TMEM219: variants seen among roughly 807,000 people sequenced by gnomAD.
TMEM219 encodes the protein insulin-like growth factor-binding protein 3 receptor.
In TMEM219, 18 loss-of-function variants were observed where a neutral mutation model predicts 17.9. The observed-to-expected ratio is 1.01, with a 90% CI of 0.70 to 1.49. The LOEUF (loss-of-function observed/expected upper bound fraction) is 1.49. TMEM219 is among the 40% of genes most tolerant of loss of function. The pLI, the probability that TMEM219 is intolerant of heterozygous loss-of-function variation, is 0.00. For missense variants in TMEM219, 288 were observed against 292.4 expected, an observed-to-expected ratio of 0.99 and a Z score of 0.11; for synonymous variants, 113 against 124.0, an observed-to-expected ratio of 0.91 and a Z score of 0.59.
intron 2 of TMEM219, 38 bp downstream of exon 2, chr16:29,963,346 C>T (rs1484088608): frequency 3.7e-6 from 6 of 1,613,904 alleles, no homozygotes; most frequent in Non-Finnish European, 5.1e-6. Flanking sequence ...TTCCTTCCAA[C>T]CTAGACAGGC....
chr16:29,968,304 A>G (rs373665125), intron 4 of TMEM219, 50 bp downstream of exon 4: 55 of 1,473,042 alleles, frequency 3.7e-5, no homozygotes, highest in Non-Finnish European at 7.6e-6. Context: ...CCTGCTGACT[A>G]CTGTATCTTG....
intron 3 of TMEM219, among the ~76,000 whole-genome samples, chr16:29,966,870 T>C (rs2069219126): frequency 6.6e-6 from 1 of 152,164 alleles, no homozygotes; most frequent in Non-Finnish European, 1.5e-5. Flanking sequence ...TTTCTTTAAA[T>C]ACTTAAGTTT....
At chr16:29,964,295 C>T (rs1244861976) in intron 3 of TMEM219, among the ~76,000 whole-genome samples, 1 of 151,800 alleles carries the variant, frequency 6.6e-6, no homozygotes, top group Non-Finnish European at 1.5e-5. Flanking sequence ...TGCACTCCAT[C>T]CTGGGCAACA....
intron 3 of TMEM219, among the ~76,000 whole-genome samples, chr16:29,967,786 G>A: frequency 6.6e-6 from 1 of 152,086 alleles, no homozygotes; most frequent in Non-Finnish European, 1.5e-5. Context: ...AATTAGCTGG[G>A]CCTGGTGGTG....
At chr16:29,965,442 G>A (rs981683888) in intron 3 of TMEM219, among the ~76,000 whole-genome samples, 1 of 151,966 alleles carries the variant, frequency 6.6e-6, no homozygotes, top group Non-Finnish European at 1.5e-5. Flanking sequence ...GTTAGGGCCG[G>A]ATGTGGTGGC....
chr16:29,972,316 C>T (rs901125454), intron 5 of TMEM219, among the ~76,000 whole-genome samples: 1 of 152,130 alleles, frequency 6.6e-6, no homozygotes, highest in Non-Finnish European at 1.5e-5. Context: ...TAGTATGTGC[C>T]CAAGAACTTG....
intron 4 of TMEM219, among the ~76,000 whole-genome samples, chr16:29,969,718 A>G (rs1402675327): frequency 6.6e-6 from 1 of 151,902 alleles, no homozygotes; most frequent in Non-Finnish European, 1.5e-5. Context: ...CTTTGGGAGC[A>G]CTCCATGTTG....
intron 3 of TMEM219, among the ~76,000 whole-genome samples, chr16:29,967,649 C>T (rs2069227839): frequency 6.6e-6 from 1 of 152,090 alleles, no homozygotes; most frequent in South Asian, 2.1e-4. Context: ...AGAAAAGGGC[C>T]GGGCACGGTG....
chr16:29,971,791 T>C lies in TMEM219; in HGVS notation c.*33+213T>C, dbSNP rs141647353. On this transcript the variant is annotated intron_variant, in intron 5 of 5. Transcript: ENST00000279396. ...TCTAATTACTTTAACTTTTTTATTATAAAATAGTTAACACTTATGTAGAAA... is the reference window on the plus strand; with the variant it reads ...TCTAATTACTTTAACTTTTTTATTACAAAATAGTTAACACTTATGTAGAAA... 2.2e-3 allele frequency: 912 copies of C among 406,748 alleles called. 2 individuals are homozygous for C. Among genetic ancestry groups the C allele is most frequent in the Non-Finnish European group, 3.5e-3 (803 of 229,202 alleles). 25.2% of individuals were successfully genotyped at this position (406,748 alleles called of 1,614,324 possible).
At chr16:29,967,881 T>C (rs560703561) in intron 3 of TMEM219, 144 bp from the exon 4 acceptor site, 4 of 620,004 alleles carry the variant, frequency 6.5e-6, no homozygotes, top group Non-Finnish European at 1.1e-5. Context: ...GAGCCGAGAT[T>C]GCGCCACTGC....
chr16:29,972,596 G>A (rs771520641), intron 5 of TMEM219, among the ~76,000 whole-genome samples: 4 of 152,208 alleles, frequency 2.6e-5, no homozygotes, highest in Non-Finnish European at 5.9e-5. Flanking sequence ...CAGTGCCCTA[G>A]GAAGTTACTA....
chr16:29,968,286 G>A, intron 4 of TMEM219, 32 bp downstream of exon 4: 2 of 1,556,082 alleles, frequency 1.3e-6, no homozygotes, highest in Non-Finnish European at 1.8e-6. Flanking sequence ...CCAGGGTTTT[G>A]TAGACTGCCT....
At chr16:29,965,109 G>A (rs2150861654) in intron 3 of TMEM219, among the ~76,000 whole-genome samples, 1 of 152,276 alleles carries the variant, frequency 6.6e-6, no homozygotes, top group East Asian at 1.9e-4. Flanking sequence ...AAATGTCAGT[G>A]GATGCCAATA....
At chr16:29,968,664 AAC>A in intron 4 of TMEM219, 1 of 168,842 alleles carries the variant, frequency 5.9e-6, no homozygotes, top group Non-Finnish European at 1.3e-5. Context: ...GTGTTATGCA[AAC>A]ACAGAGAAAG....
intron 1 of TMEM219, chr16:29,962,898 C>T: frequency 1.8e-6 from 1 of 550,448 alleles, no homozygotes; most frequent in Non-Finnish European, 3.3e-6. Context: ...ACTGCTCTGC[C>T]TCCACTTAGA....
chr16:29,972,354 C>G (rs1046733718), intron 5 of TMEM219, among the ~76,000 whole-genome samples: 4 of 152,326 alleles, frequency 2.6e-5, no homozygotes, highest in South Asian at 2.1e-4. Context: ...TCCATTTAGT[C>G]ATCGTTACCT....
At chr16:29,963,798 G>T (rs1401202093) in intron 3 of TMEM219, among the ~76,000 whole-genome samples, 1 of 148,124 alleles carries the variant, frequency 6.8e-6, no homozygotes, top group African/African-American at 2.5e-5. Flanking sequence ...AAGGAGAATC[G>T]CTTGAACCCA....
rs34734372 is a variant in TMEM219 at position 29,963,882 on chromosome 16, C to CAA, written c.355+312_355+313dup. Among the ~76,000 whole-genome samples, 105 of 78,384 alleles carry CAA rather than the reference C, an allele frequency of 1.3e-3. 7 individuals are homozygous for CAA. Among genetic ancestry groups the CAA allele is most frequent in the Middle Eastern group, 9.8e-3 (1 of 102 alleles). 51.4% of individuals were successfully genotyped at this position (78,384 alleles called of 152,430 possible). A position where few individuals can be genotyped will look rare whatever the true frequency, so the allele number is the denominator to read the frequency against. On this transcript the variant is annotated intron_variant, in intron 3 of 5. Coordinates refer to ENST00000279396, the MANE Select transcript of TMEM219 (RefSeq NM_001083613.2). ...TGGGTGACAGAGCAAGACTCTGTCTCAAAAAAAAAAAAAAAAAAAATCAGG... is the reference window on the plus strand; with the variant it reads ...TGGGTGACAGAGCAAGACTCTGTCTCAAAAAAAAAAAAAAAAAAAAAATCAGG...
In TMEM219 at chr16:29,968,084, G is replaced by C; in HGVS notation, c.415G>C (p.Gly139Arg). The C allele has an allele frequency of 6.2e-7, 1 of 1,614,198 alleles. No homozygotes were observed. The highest frequency in any genetic ancestry group is 8.5e-7 in the Non-Finnish European group (1 of 1,180,044). Reference sequence around the variant, plus strand: ...CAGGGTGACCACAGAAAGGACTGCAGGAACCTGCCTATATTTTAGTGCTGT... The same window carrying C: ...CAGGGTGACCACAGAAAGGACTGCACGAACCTGCCTATATTTTAGTGCTGT... ...TARVTTERTA[G>R]TCLYFSAVPG... The change falls in exon 4 of 6, where the codon GGA becomes CGA. Residue 139 changes from glycine to arginine, a missense_variant. Physicochemically the swap from Gly to Arg is moderately radical, Grantham distance 125. Coordinates refer to ENST00000279396, the MANE Select transcript of TMEM219 (RefSeq NM_001083613.2).
Sources: allele counts gnomAD v4.1 joint callset (sites outside exome capture counted in the v4.1 genomes callset), GRCh38; gene constraint gnomAD v4.1.1; transcripts MANE v1.5; gene names NCBI Gene and HGNC (gene_info 2026-07-23, HGNC 2026-07-21).